ARHGEF33: variants seen among roughly 807,000 people sequenced by gnomAD.
ARHGEF33 encodes DH and coiled-coil domain-containing protein ENSP00000381780.
A neutral mutation model predicts 101.9 loss-of-function variants in ARHGEF33; 72 were observed. The observed-to-expected ratio is 0.71, with a 90% CI of 0.58 to 0.86. ARHGEF33 has a LOEUF of 0.86. Ranked by LOEUF, ARHGEF33 falls within the 40% of genes least tolerant of loss-of-function variation. The pLI, the probability that ARHGEF33 is intolerant of heterozygous loss-of-function variation, is 0.00. For missense variants in ARHGEF33, 1,169 were observed against 1,111.3 expected, an observed-to-expected ratio of 1.05 and a Z score of -0.74; for synonymous variants, 499 against 442.5, an observed-to-expected ratio of 1.13 and a Z score of -1.60.
At chr2:38,892,850 T>C (rs1385147249) in intron 1 of ARHGEF33, among the ~76,000 whole-genome samples, 1 of 152,246 alleles carries the variant, frequency 6.6e-6, no homozygotes, top group Non-Finnish European at 1.5e-5. Context: ...ACTTCCCTAA[T>C]TCAGGTCATC....
chr2:38,944,104 T>C, intron 10 of ARHGEF33, 74 bp downstream of exon 10: 2 of 1,426,504 alleles, frequency 1.4e-6, no homozygotes, highest in South Asian at 2.9e-5. Context: ...GTTTCCACTT[T>C]GGGATTTCTG....
At chr2:38,971,779 G>T in intron 17 of ARHGEF33, 1 of 716,468 alleles carries the variant, frequency 1.4e-6, no homozygotes, top group Non-Finnish European at 2.6e-6. Flanking sequence ...ACATAGGGAA[G>T]GTACAATTTG....
rs971475589 is a variant in ARHGEF33, at chr2:38,930,959, A to G, written c.363-150A>G. ...AAGTTGAACCATATGAATTGCTAGT[A>G]TTTGACCACTTTTAATTTTCAAAAA... On this transcript the variant is annotated intron_variant, in intron 6 of 17. Coordinates refer to ENST00000409978, the MANE Select transcript of ARHGEF33 (RefSeq NM_001145451.5). The G allele has an allele frequency of 5.4e-6, 3 of 558,744 alleles. No homozygotes were observed. In the African/African-American group the frequency reaches 5.7e-5, roughly 11 times the overall value. 34.6% of individuals were successfully genotyped at this position (558,744 alleles called of 1,614,324 possible).
chr2:38,928,475 A>G (rs1666922097), intron 4 of ARHGEF33, among the ~76,000 whole-genome samples: 1 of 152,162 alleles, frequency 6.6e-6, no homozygotes, highest in African/African-American at 2.4e-5. Flanking sequence ...TTAATTTCTT[A>G]AGAAAACAAG....
intron 1 of ARHGEF33, among the ~76,000 whole-genome samples, chr2:38,892,760 G>A (rs577784602): frequency 6.6e-6 from 1 of 152,146 alleles, no homozygotes; most frequent in Non-Finnish European, 1.5e-5. Flanking sequence ...TCTTTTTCTT[G>A]GGTGAAGCAT....
intron 2 of ARHGEF33, among the ~76,000 whole-genome samples, chr2:38,898,311 G>A (rs373709649): frequency 1.6e-4 from 24 of 152,260 alleles, no homozygotes; most frequent in African/African-American, 5.1e-4. Flanking sequence ...GAGAAAAAAC[G>A]GGTGCGTGTC....
At position 38,931,156 on chromosome 2, in the gene ARHGEF33, C is replaced by A. The variant is rs199921991; in HGVS notation, c.410C>A (p.Ala137Glu). The A allele has an allele frequency of 1.1e-5, 17 of 1,551,534 alleles. No homozygotes were observed. The African/African-American group carries it at 2.1e-4, about 19-fold the overall frequency. The change falls in exon 7 of 18, where the codon GCA (alanine) becomes GAA (glutamate). Residue 137 changes from alanine to glutamate, a missense_variant. Transcript: ENST00000409978. ...AGCTCACAGGCCGGGCCTGCCCAAG[C>A]ACAAGGAAGTCCTTTTCGTTCTATC... ...EHSSQAGPAQ[A>E]QGSPFRSINI...
intron 16 of ARHGEF33, 134 bp from the exon 17 acceptor site, chr2:38,965,872 T>A: frequency 9.6e-7 from 1 of 1,037,466 alleles, no homozygotes; most frequent in Non-Finnish European, 1.4e-6. Flanking sequence ...TTTGCTTTAG[T>A]TGGGATTGGG....
chr2:38,964,521 G>T lies in ARHGEF33; in HGVS notation c.2344-1485G>T, dbSNP rs1668011870. On this transcript the variant is annotated intron_variant, in intron 16 of 17. Transcript: ENST00000409978. ...GCATCATTGTCTCAGCTCCACCTCA[G>T]ATCATCAGGCATTAGATTCTCACAA... is the stretch of plus-strand genomic sequence containing the variant. Among the ~76,000 whole-genome samples, 7 of 151,324 alleles carry T rather than the reference G, an allele frequency of 4.6e-5. 1 individual carries two copies. In the South Asian group the frequency reaches 1.5e-3, roughly 32 times the overall value.
At chr2:38,935,664 TC>T in intron 7 of ARHGEF33, 110 bp from the exon 8 acceptor site, 1 of 769,914 alleles carries the variant, frequency 1.3e-6, no homozygotes, top group Non-Finnish European at 2.1e-6. Context: ...CTGCTCTGCC[TC>T]CCCCATGAAA....
intron 1 of ARHGEF33, among the ~76,000 whole-genome samples, chr2:38,893,800 ACTTT>A (rs1217545548): frequency 6.6e-6 from 1 of 152,112 alleles, no homozygotes; most frequent in East Asian, 1.9e-4. Flanking sequence ...TTTTAGCCAA[ACTTT>A]CTTTCTTTTT....
intron 2 of ARHGEF33, among the ~76,000 whole-genome samples, chr2:38,912,873 T>A (rs1037819572): frequency 2.6e-5 from 4 of 152,122 alleles, no homozygotes; most frequent in Non-Finnish European, 4.4e-5. Context: ...GGGATAATGA[T>A]ACACCCTCAA....
intron 12 of ARHGEF33, 67 bp downstream of exon 12, chr2:38,953,312 C>G: frequency 3.2e-6 from 3 of 935,504 alleles, no homozygotes; most frequent in Admixed American, 2.0e-5. Flanking sequence ...TGCTCATCCA[C>G]CCAGTCAATA....
At chr2:38,898,938 A>G (rs886928941) in intron 2 of ARHGEF33, among the ~76,000 whole-genome samples, 3 of 152,226 alleles carry the variant, frequency 2.0e-5, no homozygotes, top group African/African-American at 4.8e-5. Flanking sequence ...ATTCTCAGAC[A>G]TGTTTAAATA....
chr2:38,929,189 G>C (rs1666939088), intron 5 of ARHGEF33, 118 bp downstream of exon 5: 1 of 669,426 alleles, frequency 1.5e-6, no homozygotes, highest in South Asian at 2.1e-5. Flanking sequence ...CCAGCACTTT[G>C]GGAGGCCGAG....
chr2:38,926,943 C>T (rs1199521512), intron 4 of ARHGEF33, among the ~76,000 whole-genome samples: 1 of 151,974 alleles, frequency 6.6e-6, no homozygotes, highest in Non-Finnish European at 1.5e-5. Flanking sequence ...GTTTATTTTG[C>T]TCACAGAAGA....
rs141009056 is a variant in ARHGEF33, at chr2:38,961,579, A to C, written c.2343+931A>C. 3.2e-4 allele frequency among the ~76,000 whole-genome samples: 48 copies of C among 152,328 alleles called. 1 individual carries two copies. In the East Asian group the frequency reaches 9.2e-3, roughly 29 times the overall value. On this transcript the variant is annotated intron_variant, in intron 16 of 17. Transcript: ENST00000409978. Reference sequence around the variant, plus strand: ...TCCAACTATTCTCATTTTCGAATGGAAACAGTGATGACACTGACTTTTCTC... The same window carrying C: ...TCCAACTATTCTCATTTTCGAATGGCAACAGTGATGACACTGACTTTTCTC...
At position 38,936,050 on chromosome 2, in the gene ARHGEF33, A is replaced by G. The variant is rs145821595; in HGVS notation, c.565+216A>G. Among the ~76,000 whole-genome samples the G allele has an allele frequency of 4.0e-4, 61 of 152,330 alleles. 1 individual carries two copies. The East Asian group carries it at 0.012, about 29-fold the overall frequency. On this transcript the variant is annotated intron_variant, in intron 8 of 17. Coordinates refer to ENST00000409978, the MANE Select transcript of ARHGEF33 (RefSeq NM_001145451.5). The stretch of plus-strand genomic sequence containing the variant: ...AGAAGGGCTAGGGAAGCTTAAGACA[A>G]AACCAGTATGTTTCATTTTTTCTGG...
chr2:38,960,578 G>T lies in ARHGEF33; in HGVS notation c.2273G>T (p.Gly758Val), dbSNP rs1170387875. ...GPAAAAVAARGASRTFFPQQR... is the reference protein window; with the variant it reads ...GPAAAAVAARVASRTFFPQQR... ...GCCGCCGCCGCCGTCGCCGCCCGCG[G>T]CGCATCCAGGACCTTCTTCCCCCAA... The change falls in exon 16 of 18, where the codon GGC becomes GTC. Residue 758 changes from glycine to valine, a missense_variant. Coordinates refer to ENST00000409978, the MANE Select transcript of ARHGEF33 (RefSeq NM_001145451.5). 9 of 1,302,840 alleles carry T rather than the reference G, an allele frequency of 6.9e-6. No individual in the cohort carries two copies. The highest frequency in any genetic ancestry group is 8.9e-6 in the Non-Finnish European group (9 of 1,007,460). 80.7% of individuals were successfully genotyped at this position (1,302,840 alleles called of 1,614,324 possible). A position where few individuals can be genotyped will look rare whatever the true frequency, so the allele number is the denominator to read the frequency against.
Sources: allele counts gnomAD v4.1 joint callset (sites outside exome capture counted in the v4.1 genomes callset), GRCh38; gene constraint gnomAD v4.1.1; transcripts MANE v1.5; gene names NCBI Gene and HGNC (gene_info 2026-07-23, HGNC 2026-07-21).